Variants in PARN observed in about 807,000 individuals in gnomAD.
PARN encodes poly(A)-specific ribonuclease, also known as poly(A)-specific ribonuclease PARN.
A neutral mutation model predicts 102.8 loss-of-function variants in PARN; 71 were observed. The ratio of observed to expected loss-of-function variants is 0.69; its 90% CI spans 0.57 to 0.84. The LOEUF (loss-of-function observed/expected upper bound fraction) is 0.84. PARN is among the 40% of genes least tolerant of loss of function. PARN has a pLI of 0.00. For synonymous variants in PARN, 261 were observed against 252.9 expected (o/e 1.03, Z -0.30); for missense variants, 782 against 760.9 (o/e 1.03, Z -0.33).
chr16:14,469,329 T>C (rs1304448007), intron 22 of PARN, among the ~76,000 whole-genome samples: 2 of 152,088 alleles, frequency 1.3e-5, no homozygotes, highest in South Asian at 4.1e-4. Context: ...CAAAACTCCA[T>C]CAAAACAAAC....
chr16:14,608,766 T>C (rs1332855353), intron 8 of PARN, among the ~76,000 whole-genome samples: 1 of 152,200 alleles, frequency 6.6e-6, no homozygotes, highest in Non-Finnish European at 1.5e-5. Context: ...CCTTCACGTA[T>C]TAAGCGCGCC....
chr16:14,508,460 AAT>A (rs907730308), intron 21 of PARN, among the ~76,000 whole-genome samples: 3 of 152,174 alleles, frequency 2.0e-5, no homozygotes, highest in African/African-American at 4.8e-5. Flanking sequence ...CTCAGAACAT[AAT>A]ATAAGATTTT....
chr16:14,457,448 CA>C (rs2151568569), intron 22 of PARN, among the ~76,000 whole-genome samples: 1 of 152,262 alleles, frequency 6.6e-6, no homozygotes, highest in Admixed American at 6.5e-5. Flanking sequence ...ATGCTCAGTT[CA>C]GAAGCCAAAC....
At chr16:14,511,776 C>G (rs1198396049) in intron 21 of PARN, among the ~76,000 whole-genome samples, 6 of 152,218 alleles carry the variant, frequency 3.9e-5, no homozygotes, top group Non-Finnish European at 8.8e-5. Flanking sequence ...TCTTCACTTA[C>G]TGCAGCCTCG....
chr16:14,542,105 G>C (rs2151689742), intron 21 of PARN, among the ~76,000 whole-genome samples: 1 of 151,700 alleles, frequency 6.6e-6, no homozygotes, highest in African/African-American at 2.4e-5. Context: ...CCTGAGCTCA[G>C]GGGATCCTCT....
chr16:14,504,762 A>G (rs150978311), intron 21 of PARN, among the ~76,000 whole-genome samples: 333 of 152,302 alleles, frequency 2.2e-3, no homozygotes, highest in Non-Finnish European at 3.1e-3. Context: ...CTGATCACCT[A>G]TTTTAAGCAT....
intron 22 of PARN, among the ~76,000 whole-genome samples, chr16:14,461,571 T>A (rs1443239565): frequency 2.6e-5 from 4 of 152,212 alleles, no homozygotes; most frequent in African/African-American, 4.8e-5. Flanking sequence ...GACATCTTCA[T>A]CCTTTTTGTC....
At chr16:14,545,031 T>C (rs528548339) in intron 21 of PARN, among the ~76,000 whole-genome samples, 3 of 151,948 alleles carry the variant, frequency 2.0e-5, no homozygotes, top group East Asian at 3.9e-4. Context: ...TACCAAAAAA[T>C]ACAAAAATTA....
At chr16:14,494,054 T>G (rs1477997424) in intron 21 of PARN, among the ~76,000 whole-genome samples, 1 of 152,134 alleles carries the variant, frequency 6.6e-6, no homozygotes, top group Non-Finnish European at 1.5e-5. Flanking sequence ...CCAACACATC[T>G]TGAAAACACA....
chr16:14,482,546 G>C, intron 22 of PARN, 92 bp downstream of exon 22: 1 of 984,404 alleles, frequency 1.0e-6, no homozygotes, highest in Non-Finnish European at 1.5e-6. Flanking sequence ...TTTCCCAAAA[G>C]TCAGATTTAG....
At chr16:14,491,748 C>T (rs749402880) in intron 21 of PARN, among the ~76,000 whole-genome samples, 3 of 151,760 alleles carry the variant, frequency 2.0e-5, no homozygotes, top group Non-Finnish European at 4.4e-5. Flanking sequence ...TTCCAGCCTG[C>T]GCAAGAGAGT....
chr16:14,579,236 G>A (rs1392036874), intron 18 of PARN, among the ~76,000 whole-genome samples: 1 of 152,194 alleles, frequency 6.6e-6, no homozygotes, highest in Non-Finnish European at 1.5e-5. Context: ...CCAAAGTGCT[G>A]GGATTACAGG....
chr16:14,462,883 T>C (rs1490455842), intron 22 of PARN, among the ~76,000 whole-genome samples: 1 of 152,162 alleles, frequency 6.6e-6, no homozygotes, highest in Admixed American at 6.5e-5. Context: ...CACTGGACAT[T>C]GGGCAAGGAA....
At position 14,586,364 on chromosome 16, in the gene PARN, A is replaced by G. The variant is rs2151757180; in HGVS notation, c.919-3T>C. 1 of 1,511,668 alleles carries G rather than the reference A, an allele frequency of 6.6e-7. No homozygotes were observed. Among genetic ancestry groups the G allele is most frequent in the South Asian group, 1.2e-5 (1 of 83,422 alleles). 93.6% of individuals were successfully genotyped at this position (1,511,668 alleles called of 1,614,324 possible). On this transcript the variant is annotated splice_region_variant and splice_polypyrimidine_tract_variant and intron_variant, in intron 13 of 23. Transcript: ENST00000437198. ...ATCTCTTTAAACTCACTTAAGTCCT[A>G]AAGAACAAGAGAAGGACTTGTTACA...
Position 14,436,600 on chromosome 16 carries a change from T to C in PARN, c.*117A>G. The C allele has an allele frequency of 1.4e-6, 1 of 727,504 alleles. No homozygotes were observed. The highest frequency in any genetic ancestry group is 2.3e-6 in the Non-Finnish European group (1 of 429,642). 45.1% of individuals were successfully genotyped at this position (727,504 alleles called of 1,614,324 possible). On this transcript the variant is annotated 3_prime_UTR_variant, in exon 24 of 24. Transcript: ENST00000437198. ...TTCTCCCCCCCAGGAGACAACTTGG[T>C]TTCCAACCCCTCCCATACCACATTT...
intron 22 of PARN, among the ~76,000 whole-genome samples, chr16:14,451,881 A>C (rs1596442358): frequency 1.6e-5 from 2 of 127,958 alleles, no homozygotes; most frequent in East Asian, 5.6e-4. Context: ...AAAAAAAAAA[A>C]AAAAAAAAAA....
At chr16:14,596,938 C>CTGTAAAATT (rs1419807839) in intron 12 of PARN, among the ~76,000 whole-genome samples, 24 of 152,088 alleles carry the variant, frequency 1.6e-4, no homozygotes, top group African/African-American at 5.3e-4. Flanking sequence ...AGGTGTGTGC[C>CTGTAAAATT]ACCACGCTCA....
chr16:14,599,349 T>C (rs1344351431), intron 12 of PARN, among the ~76,000 whole-genome samples: 1 of 152,140 alleles, frequency 6.6e-6, no homozygotes, highest in Non-Finnish European at 1.5e-5. Flanking sequence ...GGCCGCCTGT[T>C]TTCAGAAAGG....
intron 22 of PARN, among the ~76,000 whole-genome samples, chr16:14,459,777 G>A (rs913383448): frequency 3.3e-5 from 5 of 152,336 alleles, no homozygotes; most frequent in South Asian, 2.1e-4. Context: ...AATCAAGACA[G>A]TATGGTATTG....
Sources: allele counts gnomAD v4.1 joint callset (sites outside exome capture counted in the v4.1 genomes callset), GRCh38; gene constraint gnomAD v4.1.1; transcripts MANE v1.5; gene names NCBI Gene and HGNC (gene_info 2026-07-23, HGNC 2026-07-21).